FAM20B: variants seen among roughly 807,000 people sequenced by gnomAD.
FAM20B encodes glycosaminoglycan xylosylkinase.
FAM20B carries 23 observed loss-of-function variants against 43.8 expected under a neutral mutation model. The observed-to-expected ratio is 0.53, with a 90% CI of 0.38 to 0.74. The LOEUF (loss-of-function observed/expected upper bound fraction) is 0.74, where lower values mean the gene tolerates loss of function less well. Among genes scored for constraint, FAM20B ranks in the 30% least tolerant of loss-of-function variants. The probability of loss-of-function intolerance (pLI) is 0.00; values close to 1 mark genes in which losing one functional copy is unlikely to be tolerated. For synonymous variants in FAM20B, 178 were observed against 192.4 expected (o/e 0.93, Z 0.62); for missense variants, 440 against 510.5 (o/e 0.86, Z 1.33).
At chr1:179,028,677 A>T (rs1338741845) in intron 1 of FAM20B, among the ~76,000 whole-genome samples, 1 of 152,174 alleles carries the variant, frequency 6.6e-6, no homozygotes, top group African/African-American at 2.4e-5. Context: ...GGTTTTGTGG[A>T]TTGGGATGGG....
In FAM20B at chr1:179,032,313, C is replaced by CTT. The variant is rs547439601; in HGVS notation, c.-134+6240_-134+6241dup. ...GCACAACACATGTAGAGGTCTCATT[C>CTT]TTTTTTTTTTTTTTTTTTTTTTTTT... On this transcript the variant is annotated intron_variant, in intron 1 of 7. Coordinates refer to ENST00000263733, the MANE Select transcript of FAM20B (RefSeq NM_014864.4). Among the ~76,000 whole-genome samples the CTT allele has an allele frequency of 2.0e-3, 229 of 111,910 alleles. 12 individuals are homozygous for CTT. Among genetic ancestry groups the CTT allele is most frequent in the African/African-American group, 4.7e-3 (150 of 32,042 alleles). 73.4% of individuals were successfully genotyped at this position (111,910 alleles called of 152,430 possible).
In FAM20B at chr1:179,073,090, G is replaced by C. The variant is rs1488407157; in HGVS notation, c.*946G>C. 6.6e-6 allele frequency: 1 copy of C among 152,084 alleles called. No homozygotes were observed. The highest frequency in any genetic ancestry group is 2.1e-4 in the South Asian group (1 of 4,830). 9.4% of individuals were successfully genotyped at this position (152,084 alleles called of 1,614,324 possible). ...GTTGCCTGTGGTCTCTGTCATCCTC[G>C]TTTCTCTTCTGAAATGAATTTCCAC... is the stretch of plus-strand genomic sequence containing the variant. On this transcript the variant is annotated 3_prime_UTR_variant, in exon 8 of 8. Coordinates refer to ENST00000263733, the MANE Select transcript of FAM20B (RefSeq NM_014864.4).
At chr1:179,068,944 C>T (rs1161440722) in intron 7 of FAM20B, among the ~76,000 whole-genome samples, 3 of 152,140 alleles carry the variant, frequency 2.0e-5, no homozygotes, top group African/African-American at 7.2e-5. Context: ...CTCCAGAGTG[C>T]AGGTGGGGTG....
rs971928501 is a variant in FAM20B, at chr1:179,071,122, G to A, written c.999-791G>A. ...ATCCTGGCTAACACGGTGAAAACCC[G>A]TCTCTACTAAAAAATACAAAAAAAT... is the stretch of plus-strand genomic sequence containing the variant. On this transcript the variant is annotated intron_variant, in intron 7 of 7. Coordinates refer to ENST00000263733, the MANE Select transcript of FAM20B (RefSeq NM_014864.4). Among the ~76,000 whole-genome samples the A allele has an allele frequency of 4.6e-5, 7 of 151,794 alleles. No homozygotes were observed. In the South Asian group the frequency reaches 8.3e-4, roughly 18 times the overall value.
upstream of FAM20B, among the ~76,000 whole-genome samples, chr1:179,020,965 G>A (rs1418986680): frequency 6.6e-6 from 1 of 152,184 alleles, no homozygotes. Flanking sequence ...CAGCTACTCG[G>A]GAGGCTGAGG....
At chr1:179,027,047 GACT>G (rs1331964749) in intron 1 of FAM20B, among the ~76,000 whole-genome samples, 1 of 152,176 alleles carries the variant, frequency 6.6e-6, no homozygotes, top group Non-Finnish European at 1.5e-5. Flanking sequence ...TTGCTATTGC[GACT>G]TGGGTCTAGT....
intron 1 of FAM20B, among the ~76,000 whole-genome samples, chr1:179,037,775 C>T (rs1650311368): frequency 6.6e-6 from 1 of 152,146 alleles, no homozygotes; most frequent in Non-Finnish European, 1.5e-5. Flanking sequence ...GCGTGAGGCA[C>T]TGTCCCCAGC....
Position 179,026,948 on chromosome 1 carries a change from T to C in FAM20B, c.-134+850T>C, listed in dbSNP as rs116514337. ...GGAAAGTAGGGGTAACAGGGCTTGG[T>C]TAGTCTTAATGGAATTATTAGTCCT... On this transcript the variant is annotated intron_variant, in intron 1 of 7. Coordinates refer to ENST00000263733, the MANE Select transcript of FAM20B (RefSeq NM_014864.4). Among the ~76,000 whole-genome samples the C allele has an allele frequency of 4.1e-3, 629 of 152,314 alleles. 6 individuals carry two copies. Among genetic ancestry groups the C allele is most frequent in the African/African-American group, 0.014 (598 of 41,562 alleles).
intron 6 of FAM20B, among the ~76,000 whole-genome samples, chr1:179,065,793 C>T (rs1651664891): frequency 6.6e-6 from 1 of 152,182 alleles, no homozygotes; most frequent in Non-Finnish European, 1.5e-5. Flanking sequence ...AACAAAATCC[C>T]TTAGACTGGG....
chr1:179,041,671 GGAGGGA>G (rs71108086), intron 1 of FAM20B, among the ~76,000 whole-genome samples: 42 of 141,254 alleles, frequency 3.0e-4, no homozygotes, highest in African/African-American at 9.6e-4. Context: ...TGGGAGACAG[GGAGGGA>G]GAGGGAGAGG....
At chr1:179,049,476 A>G (rs1477313879) in intron 2 of FAM20B, among the ~76,000 whole-genome samples, 1 of 152,234 alleles carries the variant, frequency 6.6e-6, no homozygotes, top group Non-Finnish European at 1.5e-5. Context: ...ATTGAGTTAT[A>G]TCAGACTATT....
At chr1:179,058,999 A>G (rs528421128) in intron 4 of FAM20B, among the ~76,000 whole-genome samples, 2 of 152,298 alleles carry the variant, frequency 1.3e-5, no homozygotes, top group South Asian at 4.1e-4. Flanking sequence ...GCAGAGAAAG[A>G]TAATGAATTT....
intron 6 of FAM20B, among the ~76,000 whole-genome samples, chr1:179,065,929 C>T (rs1651672510): frequency 6.6e-6 from 1 of 152,160 alleles, no homozygotes; most frequent in Non-Finnish European, 1.5e-5. Flanking sequence ...TATGTGTCCT[C>T]ATATGGCAGA....
In FAM20B at chr1:179,043,828, G is replaced by C. The variant is rs1650644489; in HGVS notation, c.-20G>C. 6.4e-7 allele frequency: 1 copy of C among 1,570,534 alleles called. No individual in the cohort carries two copies. Among genetic ancestry groups the C allele is most frequent in the Non-Finnish European group, 8.7e-7 (1 of 1,153,544 alleles). The stretch of plus-strand genomic sequence containing the variant: ...ATACATGAGCAAGAGTGGGTCAGGG[G>C]AGAAGGAAAAGAGGTCAACATGAAG... On this transcript the variant is annotated 5_prime_UTR_variant, in exon 2 of 8. Transcript: ENST00000263733.
At position 179,044,352 on chromosome 1, in the gene FAM20B, C is replaced by A. The variant is rs1650678788; in HGVS notation, c.377+128C>A. The A allele has an allele frequency of 4.0e-6, 4 of 1,006,642 alleles. No homozygotes were observed. The African/African-American group carries it at 4.9e-5, about 12-fold the overall frequency. 62.4% of individuals were successfully genotyped at this position (1,006,642 alleles called of 1,614,324 possible). A position where few individuals can be genotyped will look rare whatever the true frequency, so the allele number is the denominator to read the frequency against. On this transcript the variant is annotated intron_variant, in intron 2 of 7. Transcript: ENST00000263733. ...GTAAAATAAGAGGGGTAGACTAGAT[C>A]TCTAAAGTCTTTTCTAGCACTTAAC... is the stretch of plus-strand genomic sequence containing the variant.
upstream of FAM20B, among the ~76,000 whole-genome samples, chr1:179,024,184 G>A (rs1291526207): frequency 6.6e-6 from 1 of 152,196 alleles, no homozygotes; most frequent in East Asian, 1.9e-4. Flanking sequence ...ATAGATGGAT[G>A]CGAAATTAAG....
In FAM20B at chr1:179,064,001, A is replaced by G; in HGVS notation, c.649A>G (p.Met217Val). The G allele has an allele frequency of 6.2e-7, 1 of 1,613,840 alleles. No individual in the cohort carries two copies. Among genetic ancestry groups the G allele is most frequent in the Non-Finnish European group, 8.5e-7 (1 of 1,179,730 alleles). ...ACCAGCTTGTGCTGATGGAGACATA[A>G]TGGAGGGATCTGTCACACTTTGGCT... The part of the protein sequence containing the change: ...TEPACADGDI[M>V]EGSVTLWLPD... The change falls in exon 5 of 8, where the codon ATG (methionine) becomes GTG (valine). Residue 217 changes from methionine (M) to valine (V), a missense_variant. By Grantham distance (21) the Met-to-Val change is conservative. Transcript: ENST00000263733.
At position 179,071,306 on chromosome 1, in the gene FAM20B, T is replaced by A. The variant is rs561199810; in HGVS notation, c.999-607T>A. On this transcript the variant is annotated intron_variant, in intron 7 of 7. Coordinates refer to ENST00000263733, the MANE Select transcript of FAM20B (RefSeq NM_014864.4). ...GCAAGACTCTGTCTCAAAAAAAAAA[T>A]AATAATAATAATTTTTTCCCAGTAG... Among the ~76,000 whole-genome samples, 69 of 151,854 alleles carry A rather than the reference T, an allele frequency of 4.5e-4. No individual in the cohort carries two copies. The East Asian group carries it at 8.1e-3, about 18-fold the overall frequency.
At chr1:179,046,624 C>G (rs1650784445) in intron 2 of FAM20B, among the ~76,000 whole-genome samples, 1 of 151,912 alleles carries the variant, frequency 6.6e-6, no homozygotes, top group Admixed American at 6.6e-5. Context: ...TGCACTGCAG[C>G]CTGGGCAACA....
Sources: allele counts gnomAD v4.1 joint callset (sites outside exome capture counted in the v4.1 genomes callset), GRCh38; gene constraint gnomAD v4.1.1; transcripts MANE v1.5; gene names NCBI Gene and HGNC (gene_info 2026-07-23, HGNC 2026-07-21).